Variants in MYRIP observed in about 807,000 individuals in gnomAD.
The protein encoded by MYRIP is rab effector MyRIP.
A neutral mutation model predicts 98.0 loss-of-function variants in MYRIP; 49 were observed. The ratio of observed to expected loss-of-function variants is 0.50; its 90% CI spans 0.40 to 0.63. The LOEUF is 0.63. MYRIP is among the 30% of genes least tolerant of loss of function. MYRIP has a pLI of 0.00. For synonymous variants in MYRIP, 404 were observed against 409.5 expected (o/e 0.99, Z 0.16); for missense variants, 1,004 against 1,058.2 (o/e 0.95, Z 0.71).
At chr3:40,167,285 C>A in intron 7 of MYRIP, 46 bp downstream of exon 7, 1 of 1,565,344 alleles carries the variant, frequency 6.4e-7, no homozygotes, top group African/African-American at 1.4e-5. Flanking sequence ...CCTGGCTGGG[C>A]CTGGTGCAGG....
intron 1 of MYRIP, among the ~76,000 whole-genome samples, chr3:39,825,133 T>C (rs1459975401): frequency 6.6e-6 from 1 of 152,222 alleles, no homozygotes; most frequent in Non-Finnish European, 1.5e-5. Context: ...TAAGATTATG[T>C]CATCTGCAGA....
At chr3:40,196,426 T>A (rs2125639469) in intron 10 of MYRIP, among the ~76,000 whole-genome samples, 1 of 152,352 alleles carries the variant, frequency 6.6e-6, no homozygotes, top group African/African-American at 2.4e-5. Context: ...TGTCAAACTT[T>A]TCCAAGTAAT....
intron 3 of MYRIP, among the ~76,000 whole-genome samples, chr3:40,108,344 G>A (rs1949094750): frequency 6.6e-6 from 1 of 152,104 alleles, no homozygotes; most frequent in Admixed American, 6.5e-5. Flanking sequence ...AATATCCAAT[G>A]AGCAGAGCTG....
chr3:40,127,585 G>A (rs745670281), intron 3 of MYRIP, among the ~76,000 whole-genome samples: 14 of 152,214 alleles, frequency 9.2e-5, no homozygotes, highest in Non-Finnish European at 1.9e-4. Flanking sequence ...GTGCTCAGAA[G>A]TTAACATCGG....
At chr3:40,125,932 C>T (rs1331178817) in intron 3 of MYRIP, among the ~76,000 whole-genome samples, 2 of 152,278 alleles carry the variant, frequency 1.3e-5, no homozygotes, top group Non-Finnish European at 2.9e-5. Flanking sequence ...GGGGTCCCAG[C>T]GTGAGGGCTG....
chr3:40,146,295 G>A (rs897285402), intron 3 of MYRIP, among the ~76,000 whole-genome samples: 4 of 152,136 alleles, frequency 2.6e-5, no homozygotes, highest in Non-Finnish European at 4.4e-5. Context: ...ATGAAGTGTC[G>A]GATTGAGCCT....
Position 40,212,167 on chromosome 3 carries a change from T to C in MYRIP, c.1905+2074T>C, listed in dbSNP as rs868449066. On this transcript the variant is annotated intron_variant, in intron 11 of 16. Transcript: ENST00000302541. ...ACATATATATACGTGTATATATATATACATATATATACGTGTATGTGTATA... is the reference window on the plus strand; with the variant it reads ...ACATATATATACGTGTATATATATACACATATATATACGTGTATGTGTATA... Among the ~76,000 whole-genome samples the C allele has an allele frequency of 1.1e-3, 13 of 12,302 alleles. 1 individual carries two copies. Among genetic ancestry groups the C allele is most frequent in the South Asian group, 2.1e-3 (1 of 478 alleles). 8.1% of individuals were successfully genotyped at this position (12,302 alleles called of 152,430 possible). A position where few individuals can be genotyped will look rare whatever the true frequency, so the allele number is the denominator to read the frequency against.
chr3:39,974,414 T>C (rs1265722948), intron 2 of MYRIP, among the ~76,000 whole-genome samples: 2 of 151,944 alleles, frequency 1.3e-5, no homozygotes, highest in Non-Finnish European at 2.9e-5. Flanking sequence ...AATTAATAGC[T>C]TACCAACCAA....
At chr3:39,955,247 T>G (rs974686684) in intron 2 of MYRIP, among the ~76,000 whole-genome samples, 6 of 151,788 alleles carry the variant, frequency 4.0e-5, no homozygotes, top group Admixed American at 6.6e-5. Flanking sequence ...AACTTGAAAT[T>G]AAGGAAAAAA....
intron 1 of MYRIP, among the ~76,000 whole-genome samples, chr3:39,880,670 C>T (rs1016942496): frequency 2.6e-5 from 4 of 152,154 alleles, no homozygotes; most frequent in African/African-American, 9.6e-5. Context: ...ATAATTCTTT[C>T]TAGCTCCTTA....
chr3:40,025,152 C>G (rs4428120), intron 2 of MYRIP, among the ~76,000 whole-genome samples: 75,598 of 151,940 alleles, frequency 0.5, 20,461 homozygotes, highest in East Asian at 0.67. Flanking sequence ...GTTCCTGTAG[C>G]CTTATCAGAC....
chr3:40,163,756 A>G (rs1212001306), intron 5 of MYRIP, among the ~76,000 whole-genome samples: 2 of 152,164 alleles, frequency 1.3e-5, no homozygotes, highest in African/African-American at 2.4e-5. Flanking sequence ...TGCACACAGT[A>G]TATCATGGAA....
At chr3:39,968,359 C>T (rs772001462) in intron 2 of MYRIP, among the ~76,000 whole-genome samples, 6 of 151,988 alleles carry the variant, frequency 3.9e-5, no homozygotes, top group South Asian at 2.1e-4. Flanking sequence ...GATGGGGTTT[C>T]GCTGTGTTGG....
intron 1 of MYRIP, among the ~76,000 whole-genome samples, chr3:39,879,349 T>G (rs1360612655): frequency 6.6e-6 from 1 of 151,672 alleles, no homozygotes; most frequent in African/African-American, 2.4e-5. Flanking sequence ...TCTCAGGGTC[T>G]GTTTCCTTTT....
At chr3:40,146,016 G>C in intron 3 of MYRIP, among the ~76,000 whole-genome samples, 1 of 152,178 alleles carries the variant, frequency 6.6e-6, no homozygotes, top group East Asian at 1.9e-4. Flanking sequence ...GGAAAAAAAT[G>C]TCTTCTTTGA....
At chr3:40,054,885 A>G (rs757363864) in intron 3 of MYRIP, among the ~76,000 whole-genome samples, 4 of 152,210 alleles carry the variant, frequency 2.6e-5, no homozygotes, top group Non-Finnish European at 4.4e-5. Context: ...AACTGAAAAA[A>G]CATCACACTG....
rs1260448999 is a variant in MYRIP, at chr3:40,190,243, A to G, written c.1445A>G (p.Asn482Ser). Residue 482 changes from asparagine (N) to serine (S), a missense_variant, in exon 10 of 17, where the codon AAC becomes AGC. Around this residue, in one of 3 missense-constraint regions of MYRIP, gnomAD observed 880 missense variants for 907.7 expected, o/e 0.97. Coordinates refer to ENST00000302541, the MANE Select transcript of MYRIP (RefSeq NM_015460.4). ...TGGTTGCAGAGGAAGGCCCCCAGGA[A>G]CCCTGCAGCTGAGAAGATGCGCTTG... is the stretch of plus-strand genomic sequence containing the variant. Reference protein sequence around the residue: ...LSWLQRKAPRNPAAEKMRLHG... With the variant: ...LSWLQRKAPRSPAAEKMRLHG... 4.3e-6 allele frequency: 7 copies of G among 1,613,864 alleles called. No individual in the cohort carries two copies. The highest frequency in any genetic ancestry group is 2.7e-5 in the African/African-American group (2 of 74,922).
chr3:39,944,895 A>G (rs919868030), intron 2 of MYRIP, among the ~76,000 whole-genome samples: 1 of 152,162 alleles, frequency 6.6e-6, no homozygotes, highest in African/African-American at 2.4e-5. Flanking sequence ...CTATCACTAT[A>G]TGACTCTGAA....
intron 3 of MYRIP, among the ~76,000 whole-genome samples, chr3:40,076,196 C>A (rs1255796472): frequency 6.6e-6 from 1 of 152,064 alleles, no homozygotes; most frequent in East Asian, 1.9e-4. Flanking sequence ...GACACCAGAG[C>A]AAGACCCTGT....
Sources: allele counts gnomAD v4.1 joint callset (sites outside exome capture counted in the v4.1 genomes callset), GRCh38; gene constraint gnomAD v4.1.1; regional missense constraint gnomAD v4.1.1; transcripts MANE v1.5; gene names NCBI Gene and HGNC (gene_info 2026-07-23, HGNC 2026-07-21).